SMAD6: variants seen among roughly 807,000 people sequenced by gnomAD.
The protein encoded by SMAD6 is SMAD family member 6, also known as MAD homolog 6.
A neutral mutation model predicts 39.4 loss-of-function variants in SMAD6; 103 were observed. The observed-to-expected ratio is 2.62, with a 90% CI of 2.23 to 3.08. The LOEUF is 3.08. SMAD6 is among the 30% of genes most tolerant of loss of function. The probability of loss-of-function intolerance (pLI) is 0.00; values close to 1 mark genes in which losing one functional copy is unlikely to be tolerated. For missense variants in SMAD6, 1,104 were observed against 742.9 expected (o/e 1.49, Z -5.65); for synonymous variants, 445 against 353.3 (o/e 1.26, Z -2.91).
chr15:66,703,512 G>C lies in SMAD6; in HGVS notation c.254G>C (p.Arg85Pro). The C allele has an allele frequency of 8.2e-7, 1 of 1,223,016 alleles. No individual in the cohort carries two copies. The highest frequency in any genetic ancestry group is 1.0e-6 in the Non-Finnish European group (1 of 979,434). The allele number at this position is 1,223,016 out of a possible 1,614,324, so 75.8% of individuals were successfully genotyped here. The part of the protein sequence containing the change: ...RGAQGAGRRR[R>P]AGGPPRPMSE... The stretch of plus-strand genomic sequence containing the variant: ...GCCCAGGGCGCGGGGAGGCGCCGGC[G>C]CGCAGGGGGCCCCCCGAGGCCCATG... The change falls in exon 1 of 4, where the codon CGC becomes CCC. Residue 85 changes from arginine to proline, a missense_variant. Physicochemically the swap from Arg to Pro is moderately radical, Grantham distance 103. Transcript: ENST00000288840.
intron 3 of SMAD6, among the ~76,000 whole-genome samples, chr15:66,761,266 C>T (rs1894193817): frequency 6.6e-6 from 1 of 152,200 alleles, no homozygotes; most frequent in Admixed American, 6.5e-5. Context: ...CAGCCCCGTA[C>T]AATGGAAGGG....
intron 3 of SMAD6, among the ~76,000 whole-genome samples, chr15:66,727,749 A>G (rs762783897): frequency 6.6e-6 from 1 of 152,226 alleles, no homozygotes; most frequent in Non-Finnish European, 1.5e-5. Context: ...ATATGGCCCC[A>G]AAGTGTAGAG....
chr15:66,709,595 T>A (rs966091564), intron 1 of SMAD6, among the ~76,000 whole-genome samples: 5 of 152,222 alleles, frequency 3.3e-5, no homozygotes, highest in African/African-American at 1.2e-4. Context: ...CTCCATGCCA[T>A]GTGTGGCCTA....
chr15:66,777,262 A>G (rs1894482859), intron 3 of SMAD6, among the ~76,000 whole-genome samples: 1 of 152,086 alleles, frequency 6.6e-6, no homozygotes, highest in South Asian at 2.1e-4. Flanking sequence ...GTTTTTGCCC[A>G]CCACGCTTCA....
At chr15:66,745,997 C>T (rs1463603311) in intron 3 of SMAD6, among the ~76,000 whole-genome samples, 1 of 152,148 alleles carries the variant, frequency 6.6e-6, no homozygotes, top group Non-Finnish European at 1.5e-5. Flanking sequence ...CAGGTGTGGC[C>T]ATTAGGGATG....
At chr15:66,710,216 A>C (rs538628688) in intron 1 of SMAD6, among the ~76,000 whole-genome samples, 1 of 152,336 alleles carries the variant, frequency 6.6e-6, no homozygotes, top group African/African-American at 2.4e-5. Flanking sequence ...AGAAAGGATT[A>C]AATAAAAATA....
rs890808909 is a variant in SMAD6, at chr15:66,747,884, T to A, written c.952+31386T>A. On this transcript the variant is annotated intron_variant, in intron 3 of 3. Coordinates refer to ENST00000288840, the MANE Select transcript of SMAD6 (RefSeq NM_005585.5). This position sits in a 1 kb window ranked among gnomAD's most constrained non-coding sequence, Gnocchi z 4.5. ...CCTTAATCCTTCCCATTCTCACCCCTGCAGAGATGGCCTAAAGTCTTCCCT... is the reference window on the plus strand; with the variant it reads ...CCTTAATCCTTCCCATTCTCACCCCAGCAGAGATGGCCTAAAGTCTTCCCT... 6.6e-6 allele frequency among the ~76,000 whole-genome samples: 1 copy of A among 152,164 alleles called. No individual in the cohort carries two copies. The highest frequency in any genetic ancestry group is 2.4e-5 in the African/African-American group (1 of 41,438).
intron 1 of SMAD6, chr15:66,705,192 T>C (rs553754917): frequency 5.3e-5 from 8 of 152,372 alleles, no homozygotes; most frequent in African/African-American, 1.9e-4. Flanking sequence ...GTTGTAGGTC[T>C]CCTGACTCTG....
chr15:66,772,785 C>G (rs528480985), intron 3 of SMAD6, among the ~76,000 whole-genome samples: 4 of 152,338 alleles, frequency 2.6e-5, no homozygotes, highest in Admixed American at 2.6e-4. Context: ...GATTCACATG[C>G]AGGCACCTTT....
chr15:66,732,037 G>A (rs935138574), intron 3 of SMAD6, among the ~76,000 whole-genome samples: 16 of 149,632 alleles, frequency 1.1e-4, no homozygotes, highest in African/African-American at 3.0e-4. Context: ...TCTGCCTCCC[G>A]GGTTCAAGTG....
At position 66,703,264 on chromosome 15, in the gene SMAD6, C is replaced by A. The variant is rs1439960953; in HGVS notation, c.6C>A (p.Phe2Leu). Residue 2 changes from phenylalanine to leucine, a missense_variant, in exon 1 of 4, where the codon TTC (phenylalanine) becomes TTA (leucine). Physicochemically the swap from Phe to Leu is conservative, Grantham distance 22 (BLOSUM62 0). Transcript: ENST00000288840. The stretch of plus-strand genomic sequence containing the variant: ...CTGGCGCCAAAGGATATCGTATGTT[C>A]AGGTCCAAACGCTCGGGGCTGGTGC... M[F>L]RSKRSGLVRR... 2 of 1,470,606 alleles carry A rather than the reference C, an allele frequency of 1.4e-6. No homozygotes were observed. Among genetic ancestry groups the A allele is most frequent in the Non-Finnish European group, 9.0e-7 (1 of 1,109,594 alleles). 91.1% of individuals were successfully genotyped at this position (1,470,606 alleles called of 1,614,324 possible). A position where few individuals can be genotyped will look rare whatever the true frequency, so the allele number is the denominator to read the frequency against.
At chr15:66,779,983 A>C (rs1378294988) in intron 3 of SMAD6, among the ~76,000 whole-genome samples, 1 of 152,242 alleles carries the variant, frequency 6.6e-6, no homozygotes, top group Non-Finnish European at 1.5e-5. Flanking sequence ...CTTTGGTCTC[A>C]GAAAATTGTT....
At chr15:66,745,079 A>G (rs969499910) in intron 3 of SMAD6, among the ~76,000 whole-genome samples, 1 of 152,094 alleles carries the variant, frequency 6.6e-6, no homozygotes, top group Non-Finnish European at 1.5e-5. Context: ...TTTCCAGCCC[A>G]GGACCCTGCC....
chr15:66,719,255 T>C (rs1166995280), intron 3 of SMAD6, among the ~76,000 whole-genome samples: 1 of 152,174 alleles, frequency 6.6e-6, no homozygotes, highest in African/African-American at 2.4e-5. Context: ...ACAACAAGTA[T>C]CCCTGTTCCC....
intron 3 of SMAD6, among the ~76,000 whole-genome samples, chr15:66,746,906 A>G (rs1330272288): frequency 2.0e-5 from 3 of 152,074 alleles, no homozygotes; most frequent in African/African-American, 4.8e-5. Context: ...ACCATGGGGG[A>G]ATAATTGAAT....
chr15:66,740,047 G>A (rs558739756), intron 3 of SMAD6, among the ~76,000 whole-genome samples: 13 of 152,302 alleles, frequency 8.5e-5, no homozygotes, highest in African/African-American at 2.4e-4. Flanking sequence ...TGATGGCTGC[G>A]TTCTATTCTG....
At chr15:66,715,764 T>TAAA (rs55742236) in intron 2 of SMAD6, among the ~76,000 whole-genome samples, 1 of 103,042 alleles carries the variant, frequency 9.7e-6, no homozygotes, top group Non-Finnish European at 2.1e-5. Flanking sequence ...TAAAACTACT[T>TAAA]AAAAAAAAAA....
intron 3 of SMAD6, among the ~76,000 whole-genome samples, chr15:66,776,654 G>T (rs1056316599): frequency 6.6e-6 from 1 of 152,168 alleles, no homozygotes; most frequent in Non-Finnish European, 1.5e-5. Flanking sequence ...GCTATCTTTG[G>T]GGCACCAGAT....
chr15:66,763,802 C>G (rs1334858895), intron 3 of SMAD6, among the ~76,000 whole-genome samples: 1 of 152,236 alleles, frequency 6.6e-6, no homozygotes, highest in Non-Finnish European at 1.5e-5. Context: ...GGGTGGGGCC[C>G]CACCCTGCCC....
Sources: gnomAD v4.1 joint callset for allele counts (sites outside exome capture counted in the v4.1 genomes callset) on GRCh38, gnomAD v4.1.1 for gene constraint, Gnocchi (gnomAD v3.1) non-coding constraint, MANE v1.5 for transcripts, NCBI Gene and HGNC (gene_info 2026-07-23, HGNC 2026-07-21) for gene names.